Variants in DSCAM observed in about 807,000 individuals in gnomAD.
The protein encoded by DSCAM is DS cell adhesion molecule.
DSCAM carries 47 observed loss-of-function variants against 217.7 expected under a neutral mutation model. That is an observed-to-expected ratio of 0.22 (90% CI 0.17 to 0.28). The LOEUF (loss-of-function observed/expected upper bound fraction) is 0.28. Among genes scored for constraint, DSCAM ranks in the 10% least tolerant of loss-of-function variants. DSCAM has a pLI of 1.00. For synonymous variants in DSCAM, 1,056 were observed against 1,015.3 expected (o/e 1.04, Z -0.76); for missense variants, 2,080 against 2,618.3 (o/e 0.79, Z 4.49).
chr21:40,281,850 C>A (rs1466813687), intron 10 of DSCAM, among the ~76,000 whole-genome samples: 1 of 152,060 alleles, frequency 6.6e-6, no homozygotes, highest in East Asian at 1.9e-4. Flanking sequence ...TTGTCTTTTT[C>A]TTCATTTTCC....
chr21:40,197,395 G>A (rs1268378383), intron 11 of DSCAM, among the ~76,000 whole-genome samples: 2 of 152,144 alleles, frequency 1.3e-5, no homozygotes, highest in Non-Finnish European at 2.9e-5. Flanking sequence ...TGGGATTACA[G>A]GCGTGAGCCA....
intron 11 of DSCAM, among the ~76,000 whole-genome samples, chr21:40,193,357 G>A (rs959099793): frequency 6.7e-5 from 4 of 59,276 alleles, no homozygotes; most frequent in South Asian, 6.4e-4. Context: ...TTCTCATACG[G>A]GAAAGAGGCT....
intron 3 of DSCAM, among the ~76,000 whole-genome samples, chr21:40,650,312 A>G (rs1427624844): frequency 6.6e-6 from 1 of 152,194 alleles, no homozygotes; most frequent in Non-Finnish European, 1.5e-5. Context: ...GTAGTTATCA[A>G]TTTCACAAGG....
intron 10 of DSCAM, among the ~76,000 whole-genome samples, chr21:40,284,893 C>T (rs1372083071): frequency 1.3e-5 from 2 of 152,092 alleles, no homozygotes; most frequent in Admixed American, 6.5e-5. Flanking sequence ...TCCTTAATAC[C>T]TTCATTTCTA....
chr21:40,427,352 A>G (rs2075485109), intron 3 of DSCAM, among the ~76,000 whole-genome samples: 1 of 152,178 alleles, frequency 6.6e-6, no homozygotes, highest in East Asian at 1.9e-4. Context: ...CCAGCTGACC[A>G]TGGCCCTGGG....
chr21:40,222,693 T>C (rs2091298788), intron 11 of DSCAM, among the ~76,000 whole-genome samples: 3 of 151,002 alleles, frequency 2.0e-5, no homozygotes, highest in Admixed American at 2.0e-4. Context: ...TATTAAGAAG[T>C]ATATTTATGA....
chr21:40,271,821 C>G (rs66530669), intron 11 of DSCAM, among the ~76,000 whole-genome samples: 9,446 of 152,234 alleles, frequency 0.062, 581 homozygotes, highest in African/African-American at 0.15. Flanking sequence ...AAATGTATAA[C>G]TGAACGTTCC....
At chr21:40,539,589 A>G (rs1412405606) in intron 3 of DSCAM, among the ~76,000 whole-genome samples, 1 of 152,240 alleles carries the variant, frequency 6.6e-6, no homozygotes, top group East Asian at 1.9e-4. Flanking sequence ...CAAGTGTGAA[A>G]GCCTGTTTGC....
At chr21:40,150,037 A>C (rs1458040991) in intron 16 of DSCAM, among the ~76,000 whole-genome samples, 1 of 152,196 alleles carries the variant, frequency 6.6e-6, no homozygotes, top group Non-Finnish European at 1.5e-5. Context: ...ACTTCCACTT[A>C]TTGAACACTG....
At chr21:40,469,960 A>T (rs2075874904) in intron 3 of DSCAM, among the ~76,000 whole-genome samples, 1 of 152,220 alleles carries the variant, frequency 6.6e-6, no homozygotes, top group African/African-American at 2.4e-5. Flanking sequence ...GTAATCCCAT[A>T]TATTTTCACT....
At chr21:40,108,372 A>C (rs1318372664) in intron 20 of DSCAM, among the ~76,000 whole-genome samples, 1 of 152,204 alleles carries the variant, frequency 6.6e-6, no homozygotes, top group Non-Finnish European at 1.5e-5. Context: ...TCAAGCTGAG[A>C]GCCAAATCAG....
chr21:40,725,918 A>G (rs2090951260), intron 1 of DSCAM, among the ~76,000 whole-genome samples: 1 of 152,150 alleles, frequency 6.6e-6, no homozygotes, highest in South Asian at 2.1e-4. Context: ...CCTCTCATGT[A>G]CCCTTCTTCA....
chr21:40,340,262 A>G (rs2074477009), intron 6 of DSCAM, among the ~76,000 whole-genome samples: 1 of 152,190 alleles, frequency 6.6e-6, no homozygotes, highest in South Asian at 2.1e-4. Flanking sequence ...ATCGCAGGCA[A>G]ACTAGGATCT....
intron 3 of DSCAM, among the ~76,000 whole-genome samples, chr21:40,656,385 T>C (rs2090076642): frequency 2.0e-5 from 3 of 151,368 alleles, no homozygotes; most frequent in Non-Finnish European, 4.4e-5. Flanking sequence ...AGCCAAGCCC[T>C]GTTGTGCATG....
At chr21:40,671,856 A>T (rs1420033901) in intron 3 of DSCAM, among the ~76,000 whole-genome samples, 1 of 152,252 alleles carries the variant, frequency 6.6e-6, no homozygotes, top group African/African-American at 2.4e-5. Flanking sequence ...CCACAGTCAG[A>T]CAGAAGAGCA....
chr21:40,453,094 GA>G lies in DSCAM; in HGVS notation c.509-83850del, dbSNP rs2075734881. ...TGTGTGTGTGTGTGTGTGTGTGTGAGATATATGTGTATATCTACACATACAT... is the reference window on the plus strand; with the variant it reads ...TGTGTGTGTGTGTGTGTGTGTGTGAGTATATGTGTATATCTACACATACAT... On this transcript the variant is annotated intron_variant, in intron 3 of 32. Coordinates refer to ENST00000400454, the MANE Select transcript of DSCAM (RefSeq NM_001389.5). 1.8e-4 allele frequency among the ~76,000 whole-genome samples: 24 copies of G among 132,462 alleles called. No homozygotes were observed. The South Asian group carries it at 5.3e-3, about 29-fold the overall frequency. 86.9% of individuals were successfully genotyped at this position (132,462 alleles called of 152,430 possible). A position where few individuals can be genotyped will look rare whatever the true frequency, so the allele number is the denominator to read the frequency against.
Position 40,502,886 on chromosome 21 carries a change from T to A in DSCAM, c.509-133641A>T, listed in dbSNP as rs530898625. On this transcript the variant is annotated intron_variant, in intron 3 of 32. Transcript: ENST00000400454. ...TATATATTAGTAATAATTTGCTAAA[T>A]GATTTCCTTTATAATATTATGTATA... 6.6e-5 allele frequency among the ~76,000 whole-genome samples: 10 copies of A among 152,064 alleles called. No homozygotes were observed. In the East Asian group the frequency reaches 7.7e-4, roughly 12 times the overall value.
chr21:40,258,934 T>C (rs2073410577), intron 11 of DSCAM, among the ~76,000 whole-genome samples: 1 of 152,194 alleles, frequency 6.6e-6, no homozygotes, highest in Non-Finnish European at 1.5e-5. Context: ...CTTTGTTTGG[T>C]GTACTCTTGG....
At chr21:40,472,659 C>T (rs534093145) in intron 3 of DSCAM, among the ~76,000 whole-genome samples, 8 of 152,100 alleles carry the variant, frequency 5.3e-5, no homozygotes, top group Non-Finnish European at 1.2e-4. Flanking sequence ...GATGGACAGT[C>T]GATTTGGTTT....
Sources: allele counts gnomAD v4.1 joint callset (sites outside exome capture counted in the v4.1 genomes callset), GRCh38; gene constraint gnomAD v4.1.1; transcripts MANE v1.5; gene names NCBI Gene and HGNC (gene_info 2026-07-23, HGNC 2026-07-21).